ABL2: variants seen among roughly 807,000 people sequenced by gnomAD.
The protein encoded by ABL2 is tyrosine-protein kinase ABL2.
Under a neutral mutation model 107.7 loss-of-function variants are expected in ABL2, and 49 were observed. The ratio of observed to expected loss-of-function variants is 0.45; its 90% CI spans 0.36 to 0.58. The LOEUF is 0.58. ABL2 is among the 20% of genes least tolerant of loss of function. The pLI, the probability that ABL2 is intolerant of heterozygous loss-of-function variation, is 0.00. For missense variants in ABL2, 1,245 were observed against 1,457.0 expected (o/e 0.85, Z 2.37); for synonymous variants, 549 against 548.6 (o/e 1.00, Z -0.01).
chr1:179,167,391 A>C (rs1021065619), intron 1 of ABL2, among the ~76,000 whole-genome samples: 1 of 152,224 alleles, frequency 6.6e-6, no homozygotes. Context: ...TAGATGGCTG[A>C]AAAGAGTGGG....
rs748248066 is a variant in ABL2, at chr1:179,121,884, A to C, written c.688-17T>G. The C allele has an allele frequency of 6.4e-7, 1 of 1,571,030 alleles. No individual in the cohort carries two copies. Among genetic ancestry groups the C allele is most frequent in the East Asian group, 2.3e-5 (1 of 44,408 alleles). ...CACATACACCTGGTAAGAAAAGGAG[A>C]AAAGCTAAACAACTTGAAAAGAGAT... On this transcript the variant is annotated splice_polypyrimidine_tract_variant and intron_variant, in intron 4 of 11. Transcript: ENST00000502732.
chr1:179,145,312 CTT>C (rs1178685174), intron 1 of ABL2, among the ~76,000 whole-genome samples: 7 of 152,044 alleles, frequency 4.6e-5, no homozygotes, highest in Non-Finnish European at 1.0e-4. Flanking sequence ...AATTCTGATA[CTT>C]TGTCATAATT....
At chr1:179,199,626 C>T (rs903295435) in intron 1 of ABL2, among the ~76,000 whole-genome samples, 2 of 152,074 alleles carry the variant, frequency 1.3e-5, no homozygotes, top group African/African-American at 2.4e-5. Flanking sequence ...CCCTATGCAG[C>T]AGGCATTATC....
chr1:179,119,289 C>G (rs987706268), intron 6 of ABL2, among the ~76,000 whole-genome samples: 23 of 152,118 alleles, frequency 1.5e-4, no homozygotes, highest in African/African-American at 5.3e-4. Context: ...TGCCTGTAAT[C>G]CTAGCACTTT....
intron 1 of ABL2, among the ~76,000 whole-genome samples, chr1:179,155,199 G>T (rs1344607004): frequency 6.6e-6 from 1 of 152,176 alleles, no homozygotes; most frequent in Non-Finnish European, 1.5e-5. Context: ...ATCTTCTGGT[G>T]AAGACTTTGA....
chr1:179,163,057 C>G (rs965320536), intron 1 of ABL2, among the ~76,000 whole-genome samples: 1 of 152,048 alleles, frequency 6.6e-6, no homozygotes, highest in Admixed American at 6.6e-5. Context: ...CTCTAACAAC[C>G]CATTTAAAAA....
At chr1:179,213,821 G>GT (rs1157858478) in intron 1 of ABL2, among the ~76,000 whole-genome samples, 6 of 152,126 alleles carry the variant, frequency 3.9e-5, no homozygotes, top group Admixed American at 2.0e-4. Flanking sequence ...GCTCACACCT[G>GT]TAATCCCAGT....
At chr1:179,198,170 G>A (rs1661431035) in intron 1 of ABL2, among the ~76,000 whole-genome samples, 3 of 128,142 alleles carry the variant, frequency 2.3e-5, no homozygotes, top group African/African-American at 5.9e-5. Context: ...GAAACCCTGT[G>A]CCAAAAAAAA....
chr1:179,169,245 A>C (rs1659574578), intron 1 of ABL2, among the ~76,000 whole-genome samples: 1 of 152,144 alleles, frequency 6.6e-6, no homozygotes, highest in Non-Finnish European at 1.5e-5. Context: ...GAGAAACAAT[A>C]ACAGTTGAAG....
chr1:179,143,337 A>G (rs1190428167), intron 1 of ABL2, among the ~76,000 whole-genome samples: 1 of 152,252 alleles, frequency 6.6e-6, no homozygotes, highest in Admixed American at 6.5e-5. Context: ...ATGTATAACA[A>G]ATAGCCTAAT....
chr1:179,216,513 T>G (rs1662571024), intron 1 of ABL2, among the ~76,000 whole-genome samples: 1 of 152,208 alleles, frequency 6.6e-6, no homozygotes. Flanking sequence ...ATAGCAGTTC[T>G]GTCTAAATTG....
chr1:179,156,882 AAAATAAATAAATAAAT>A (rs143172971), intron 1 of ABL2, among the ~76,000 whole-genome samples: 30,194 of 142,110 alleles, frequency 0.21, 3,843 homozygotes, highest in East Asian at 0.32. Context: ...AGTCTGTCTC[AAAATAAATAAATAAAT>A]AAATAAATAA....
chr1:179,176,272 T>C (rs1437077862), intron 1 of ABL2, among the ~76,000 whole-genome samples: 1 of 152,166 alleles, frequency 6.6e-6, no homozygotes, highest in South Asian at 2.1e-4. Flanking sequence ...TAGTATTTGA[T>C]AGCACAACAG....
chr1:179,167,336 G>A (rs1659445952), intron 1 of ABL2, among the ~76,000 whole-genome samples: 4 of 152,128 alleles, frequency 2.6e-5, no homozygotes, highest in South Asian at 4.1e-4. Flanking sequence ...ACATGTTCTC[G>A]CTTTTATGTG....
intron 1 of ABL2, chr1:179,201,417 G>T (rs369739612): frequency 5.9e-4 from 100 of 170,296 alleles, no homozygotes; most frequent in African/African-American, 2.2e-3. Context: ...ATTATGGGAT[G>T]ATTAAATTAT....
Position 179,107,559 on chromosome 1 carries a change from G to GA in ABL2, c.*158dup. 3 of 1,391,504 alleles carry GA rather than the reference G, an allele frequency of 2.2e-6. No individual in the cohort carries two copies. Among genetic ancestry groups the GA allele is most frequent in the Non-Finnish European group, 2.8e-6 (3 of 1,056,656 alleles). The allele number at this position is 1,391,504 out of a possible 1,614,324, so 86.2% of individuals were successfully genotyped here. A position where few individuals can be genotyped will look rare whatever the true frequency, so the allele number is the denominator to read the frequency against. On this transcript the variant is annotated 3_prime_UTR_variant, in exon 12 of 12. Transcript: ENST00000502732. The stretch of plus-strand genomic sequence containing the variant: ...TATGTGGTTTGCTTCTTATTTTTGA[G>GA]ATGAAACTGTAAACGTGAGAACTCA...
chr1:179,148,299 C>A (rs934254614), intron 1 of ABL2, among the ~76,000 whole-genome samples: 1 of 152,126 alleles, frequency 6.6e-6, no homozygotes, highest in African/African-American at 2.4e-5. Context: ...CTTCAGCCTC[C>A]CAAAATGTTG....
chr1:179,163,566 G>A (rs1240379436), intron 1 of ABL2, among the ~76,000 whole-genome samples: 3 of 152,096 alleles, frequency 2.0e-5, no homozygotes, highest in Non-Finnish European at 2.9e-5. Flanking sequence ...GGCTAACATG[G>A]TGAAACCCTG....
In ABL2 at chr1:179,174,903, AAAAAAT is replaced by A. The variant is rs1311108400; in HGVS notation, c.158-41535_158-41530del. On this transcript the variant is annotated intron_variant, in intron 1 of 11. Coordinates refer to ENST00000502732, the MANE Select transcript of ABL2 (RefSeq NM_007314.4). The stretch of plus-strand genomic sequence containing the variant: ...GAGCAGAGACTCTGTCTCAAAAAAA[AAAAAAT>A]AAAATAAAAAAAATAATAATAATAA... Among the ~76,000 whole-genome samples the A allele has an allele frequency of 1.2e-3, 149 of 127,672 alleles. 2 individuals carry two copies. Among genetic ancestry groups the A allele is most frequent in the African/African-American group, 1.9e-3 (64 of 34,010 alleles). The allele number at this position is 127,672 out of a possible 152,430, so 83.8% of individuals were successfully genotyped here. A position where few individuals can be genotyped will look rare whatever the true frequency, so the allele number is the denominator to read the frequency against.
Sources: gnomAD v4.1 joint callset for allele counts (sites outside exome capture counted in the v4.1 genomes callset) on GRCh38, gnomAD v4.1.1 for gene constraint, MANE v1.5 for transcripts, NCBI Gene and HGNC (gene_info 2026-07-23, HGNC 2026-07-21) for gene names.